Variants in PIK3C2A observed in about 807,000 individuals in gnomAD.
PIK3C2A encodes phosphatidylinositol-4-phosphate 3-kinase catalytic subunit type 2 alpha.
Under a neutral mutation model 204.5 loss-of-function variants are expected in PIK3C2A, and 97 were observed. The ratio of observed to expected loss-of-function variants is 0.47; its 90% CI spans 0.40 to 0.56. The LOEUF (loss-of-function observed/expected upper bound fraction) is 0.56, where lower values mean the gene tolerates loss of function less well. Ranked by LOEUF, PIK3C2A falls within the 20% of genes least tolerant of loss-of-function variation. The pLI is 0.00. For synonymous variants in PIK3C2A, 653 were observed against 664.4 expected (o/e 0.98, Z 0.26); for missense variants, 1,735 against 1,969.2 (o/e 0.88, Z 2.25).
At chr11:17,187,222 G>A (rs1044418318) in intron 1 of PIK3C2A, among the ~76,000 whole-genome samples, 4 of 152,010 alleles carry the variant, frequency 2.6e-5, no homozygotes, top group African/African-American at 9.7e-5. Context: ...TCATGAGAGC[G>A]ATTAGCACAT....
rs1431805944 is a variant in PIK3C2A, at chr11:17,148,380, G to T, written c.1448+287C>A. On this transcript the variant is annotated intron_variant, in intron 5 of 32. Coordinates refer to ENST00000691414, the MANE Select transcript of PIK3C2A (RefSeq NM_002645.4). ...TGTGACTATTGACTCTTTACAGTAAGAAAGACCCATTATATCACTTATTAA... is the reference window on the plus strand; with the variant it reads ...TGTGACTATTGACTCTTTACAGTAATAAAGACCCATTATATCACTTATTAA... 3 of 299,358 alleles carry T rather than the reference G, an allele frequency of 1.0e-5. No homozygotes were observed. In the East Asian group the frequency reaches 1.9e-4, roughly 18 times the overall value. The allele number at this position is 299,358 out of a possible 1,614,324, so 18.5% of individuals were successfully genotyped here. A position where few individuals can be genotyped will look rare whatever the true frequency, so the allele number is the denominator to read the frequency against.
At chr11:17,138,327 T>C in intron 8 of PIK3C2A, 2 of 28,064 alleles carry the variant, frequency 7.1e-5, no homozygotes, top group Non-Finnish European at 1.6e-4. Flanking sequence ...CCAGCTTCCT[T>C]TTTTTTTTTT....
At chr11:17,177,648 A>C (rs1181701148) in intron 1 of PIK3C2A, among the ~76,000 whole-genome samples, 1 of 152,214 alleles carries the variant, frequency 6.6e-6, no homozygotes, top group Non-Finnish European at 1.5e-5. Flanking sequence ...ATATTCTCAT[A>C]TCTCTACTGA....
Position 17,150,592 on chromosome 11 carries a change from G to A in PIK3C2A, c.1233C>T (p.Val411=), listed in dbSNP as rs915414590. The A allele has an allele frequency of 8.1e-6, 13 of 1,611,806 alleles. No individual in the cohort carries two copies. The highest frequency in any genetic ancestry group is 1.0e-5 in the Non-Finnish European group (12 of 1,178,652). Residue 411 remains valine, a synonymous_variant, in exon 4 of 33, where the codon GTC becomes GTT. Coordinates refer to ENST00000691414, the MANE Select transcript of PIK3C2A (RefSeq NM_002645.4). ...RTNPGYLLSP[V]TAQRNICGEN... ...CTCCGCATATGTTTCTTTGTGCTGT[G>A]ACTGGACTTAACAAATAGCCTGGGT...
At chr11:17,154,616 C>T (rs988308298) in intron 3 of PIK3C2A, among the ~76,000 whole-genome samples, 10 of 152,132 alleles carry the variant, frequency 6.6e-5, no homozygotes, top group African/African-American at 2.4e-4. Flanking sequence ...TCCACTCTTT[C>T]CTCCTATGGG....
At chr11:17,092,896 C>T (rs575491159) in intron 28 of PIK3C2A, among the ~76,000 whole-genome samples, 2 of 152,288 alleles carry the variant, frequency 1.3e-5, no homozygotes, top group African/African-American at 4.8e-5. Flanking sequence ...AATATTTCTT[C>T]TCAAGTTTAA....
intron 24 of PIK3C2A, among the ~76,000 whole-genome samples, chr11:17,101,824 C>A (rs755954329): frequency 4.6e-5 from 7 of 151,674 alleles, no homozygotes; most frequent in Non-Finnish European, 7.4e-5. Context: ...AGGATGGTCT[C>A]GATCTCCTGA....
intron 1 of PIK3C2A, among the ~76,000 whole-genome samples, chr11:17,187,809 G>C (rs1851805211): frequency 6.6e-6 from 1 of 151,796 alleles, no homozygotes; most frequent in South Asian, 2.1e-4. Flanking sequence ...TCACAAACTG[G>C]ATACAGTTGA....
intron 1 of PIK3C2A, among the ~76,000 whole-genome samples, chr11:17,171,657 T>C (rs1851168038): frequency 6.6e-6 from 1 of 152,234 alleles, no homozygotes; most frequent in Non-Finnish European, 1.5e-5. Context: ...ATATTTAAAA[T>C]ATACACACTT....
At chr11:17,207,361 G>A (rs1222934653) in intron 1 of PIK3C2A, among the ~76,000 whole-genome samples, 1 of 152,106 alleles carries the variant, frequency 6.6e-6, no homozygotes, top group African/African-American at 2.4e-5. Flanking sequence ...AGTATCCTTG[G>A]CCCCCAGAGC....
At chr11:17,124,178 T>C (rs1590934335) in intron 13 of PIK3C2A, among the ~76,000 whole-genome samples, 1 of 152,158 alleles carries the variant, frequency 6.6e-6, no homozygotes, top group East Asian at 1.9e-4. Flanking sequence ...TAGTCTGTTA[T>C]GTCTAAGAAC....
intron 1 of PIK3C2A, among the ~76,000 whole-genome samples, chr11:17,170,372 G>T (rs969433275): frequency 6.6e-6 from 1 of 152,160 alleles, no homozygotes; most frequent in African/African-American, 2.4e-5. Context: ...TATTAAAAAT[G>T]TATAATGTAA....
chr11:17,132,059 T>A, intron 11 of PIK3C2A, 21 bp from the exon 12 acceptor site: 1 of 1,385,468 alleles, frequency 7.2e-7, no homozygotes, highest in Non-Finnish European at 1.0e-6. Flanking sequence ...AAAGTTTAAC[T>A]TGATTTCTAT....
At chr11:17,131,419 A>ATTTTTT (rs68020564) in intron 12 of PIK3C2A, among the ~76,000 whole-genome samples, 1 of 79,466 alleles carries the variant, frequency 1.3e-5, no homozygotes, top group Non-Finnish European at 2.8e-5. Context: ...AGGGTATTTC[A>ATTTTTT]TTTTTTTTTT....
intron 1 of PIK3C2A, among the ~76,000 whole-genome samples, chr11:17,191,539 C>T (rs1851944485): frequency 6.6e-6 from 1 of 152,196 alleles, no homozygotes; most frequent in South Asian, 2.1e-4. Flanking sequence ...CCAGATGCTC[C>T]AACATTTGAG....
At chr11:17,100,346 T>C (rs1424081136) in intron 25 of PIK3C2A, among the ~76,000 whole-genome samples, 2 of 150,878 alleles carry the variant, frequency 1.3e-5, no homozygotes, top group African/African-American at 2.4e-5. Context: ...CCTGAGTAGT[T>C]GGGATTACAG....
chr11:17,198,899 ACTTGAGGTCAGCAATTCG>A, intron 1 of PIK3C2A, among the ~76,000 whole-genome samples: 1 of 152,056 alleles, frequency 6.6e-6, no homozygotes, highest in Admixed American at 6.6e-5. Context: ...TGGGTGGATC[ACTTGAGGTCAGCAATTCG>A]AGACCAGCCT....
chr11:17,136,375 T>C, intron 9 of PIK3C2A, 107 bp downstream of exon 9: 1 of 877,464 alleles, frequency 1.1e-6, no homozygotes, highest in East Asian at 2.5e-5. Flanking sequence ...AACCCAAAAG[T>C]AAAAGCCAAA....
At position 17,173,828 on chromosome 11, in the gene PIK3C2A, A is replaced by C. The variant is rs562173854; in HGVS notation, c.-65-4022T>G. On this transcript the variant is annotated intron_variant, in intron 1 of 32. Transcript: ENST00000691414. ...TTTGTTTGTTTGTTTGTTTAGACAG[A>C]GTCTCATTCTGTTGCTCAGACTGGA... Among the ~76,000 whole-genome samples the C allele has an allele frequency of 1.5e-4, 23 of 152,316 alleles. No homozygotes were observed. In the South Asian group the frequency reaches 4.2e-3, roughly 27 times the overall value.
Sources: gnomAD v4.1 joint callset for allele counts (sites outside exome capture counted in the v4.1 genomes callset) on GRCh38, gnomAD v4.1.1 for gene constraint, MANE v1.5 for transcripts, NCBI Gene and HGNC (gene_info 2026-07-23, HGNC 2026-07-21) for gene names.